Variants in RYR2 observed in about 807,000 individuals in gnomAD.
RYR2 encodes ryanodine receptor 2.
A neutral mutation model predicts 601.1 loss-of-function variants in RYR2; 227 were observed. The ratio of observed to expected loss-of-function variants is 0.38; its 90% CI spans 0.34 to 0.42. The LOEUF is 0.42. Among genes scored for constraint, RYR2 ranks in the 10% least tolerant of loss-of-function variants. The pLI is 1.00. For missense variants in RYR2, 4,646 were observed against 6,156.5 expected (o/e 0.75, Z 8.21); for synonymous variants, 2,223 against 2,175.1 (o/e 1.02, Z -0.61).
chr1:237,130,351 A>G (rs1672026908), intron 1 of RYR2, among the ~76,000 whole-genome samples: 1 of 152,196 alleles, frequency 6.6e-6, no homozygotes, highest in Non-Finnish European at 1.5e-5. Context: ...GAACTACATA[A>G]CTAGGAAAAG....
intron 3 of RYR2, among the ~76,000 whole-genome samples, chr1:237,331,900 C>T (rs978149253): frequency 1.3e-5 from 2 of 152,172 alleles, no homozygotes; most frequent in Non-Finnish European, 2.9e-5. Flanking sequence ...CTTCCTGTGA[C>T]TGATATCTGG....
At chr1:237,678,826 G>A (rs375663349) in intron 61 of RYR2, among the ~76,000 whole-genome samples, 8 of 152,324 alleles carry the variant, frequency 5.3e-5, no homozygotes, top group African/African-American at 1.9e-4. Flanking sequence ...AAGCTTTCTT[G>A]TTTAGGACAC....
intron 69 of RYR2, 146 bp downstream of exon 69, chr1:237,709,244 G>A: frequency 1.2e-6 from 1 of 834,270 alleles, no homozygotes; most frequent in East Asian, 2.7e-5. Context: ...GTTAATTTTT[G>A]GCTTAAAATT....
At chr1:237,711,542 A>G (rs1237786899) in intron 70 of RYR2, among the ~76,000 whole-genome samples, 1 of 152,234 alleles carries the variant, frequency 6.6e-6, no homozygotes, top group Non-Finnish European at 1.5e-5. Flanking sequence ...TGCAATGTGC[A>G]TATTCATATC....
intron 1 of RYR2, among the ~76,000 whole-genome samples, chr1:237,056,594 C>CAGCACTGCTCCTGTGAGGACTGG (rs1662123793): frequency 1.9e-5 from 1 of 53,082 alleles, no homozygotes; most frequent in Non-Finnish European, 3.7e-5. Flanking sequence ...GTGAGGACTG[C>CAGCACTGCTCCTGTGAGGACTGG]AGCACTGCAC....
intron 101 of RYR2, among the ~76,000 whole-genome samples, chr1:237,820,171 G>A (rs866008735): frequency 1.8e-4 from 22 of 122,998 alleles, no homozygotes; most frequent in East Asian, 1.6e-3. Context: ...TGGGTGACAA[G>A]AGCAAAACTC....
At chr1:237,447,283 G>A (rs920819205) in intron 14 of RYR2, among the ~76,000 whole-genome samples, 1 of 152,206 alleles carries the variant, frequency 6.6e-6, no homozygotes, top group East Asian at 1.9e-4. Context: ...TATACCATAA[G>A]TGACATTTTT....
intron 11 of RYR2, 137 bp downstream of exon 11, chr1:237,417,260 G>A (rs1202918599): frequency 1.7e-5 from 11 of 643,632 alleles, no homozygotes; most frequent in East Asian, 2.8e-5. Context: ...GTGGTGGACA[G>A]TTTCTCTTTT....
At chr1:237,758,130 T>C (rs1211542636) in intron 82 of RYR2, among the ~76,000 whole-genome samples, 1 of 152,160 alleles carries the variant, frequency 6.6e-6, no homozygotes, top group Admixed American at 6.5e-5. Context: ...CCAGAATAAG[T>C]GATTATATAG....
intron 94 of RYR2, 47 bp downstream of exon 94, chr1:237,792,370 T>TGTGCGCGCGC (rs753141995): frequency 2.1e-6 from 2 of 945,950 alleles, no homozygotes; most frequent in Middle Eastern, 3.0e-4. Context: ...TGTGTGTGTG[T>TGTGCGCGCGC]GTGTGTGTGT....
chr1:237,417,112 G>A lies in RYR2; in HGVS notation c.837G>A (p.Thr279=), dbSNP rs769682840. 43 of 1,612,938 alleles carry A rather than the reference G, an allele frequency of 2.7e-5. No homozygotes were observed. The highest frequency in any genetic ancestry group is 2.0e-4 in the Admixed American group (12 of 59,982). ...CACGTTCCCTTTGGAGACTAGAGAC[G>A]CTAAGAGTTGCGTAAGTAGAACTTC... is the stretch of plus-strand genomic sequence containing the variant. ...VHARSLWRLE[T]LRVAWSGSHI... The change falls in exon 11 of 105, where the codon ACG becomes ACA. Residue 279 remains threonine, a synonymous_variant. Coordinates refer to ENST00000366574, the MANE Select transcript of RYR2 (RefSeq NM_001035.3).
rs577620906 is a variant in RYR2 at position 237,787,900 on chromosome 1, A to C, written c.13329-88A>C. Reference sequence around the variant, plus strand: ...TTCAAAAGTAATATGATGGCCTAAAATATTTGTTCACTTGGGTAATTTTCC... The same window carrying C: ...TTCAAAAGTAATATGATGGCCTAAACTATTTGTTCACTTGGGTAATTTTCC... On this transcript the variant is annotated intron_variant, in intron 91 of 104. Transcript: ENST00000366574. 110 of 1,260,608 alleles carry C rather than the reference A, an allele frequency of 8.7e-5. 3 individuals are homozygous for C. In the East Asian group the frequency reaches 2.8e-3, roughly 32 times the overall value. 78.1% of individuals were successfully genotyped at this position (1,260,608 alleles called of 1,614,324 possible).
intron 8 of RYR2, among the ~76,000 whole-genome samples, chr1:237,382,829 T>C (rs2149818338): frequency 6.6e-6 from 1 of 152,014 alleles, no homozygotes; most frequent in East Asian, 2.0e-4. Flanking sequence ...CTGTGAGCCT[T>C]TCTTTCCTCT....
chr1:237,832,726 C>A lies in RYR2; in HGVS notation c.*79C>A, dbSNP rs886046282. ...CTCAATTTCTCTGCTCTCTTGGAAA[C>A]ATTTTGCTGATTTTGTGAATTGCCA... On this transcript the variant is annotated 3_prime_UTR_variant, in exon 105 of 105. Coordinates refer to ENST00000366574, the MANE Select transcript of RYR2 (RefSeq NM_001035.3). The A allele has an allele frequency of 1.3e-6, 1 of 795,828 alleles. No homozygotes were observed. Among genetic ancestry groups the A allele is most frequent in the Non-Finnish European group, 2.0e-6 (1 of 495,548 alleles). 49.3% of individuals were successfully genotyped at this position (795,828 alleles called of 1,614,324 possible).
At chr1:237,073,807 G>T (rs1443180759) in intron 1 of RYR2, among the ~76,000 whole-genome samples, 1 of 146,480 alleles carries the variant, frequency 6.8e-6, no homozygotes, top group African/African-American at 2.5e-5. Flanking sequence ...GGAGGCAGAG[G>T]CTGCAGTGAG....
chr1:237,667,998 G>T, intron 58 of RYR2, 40 bp downstream of exon 58: 1 of 1,485,406 alleles, frequency 6.7e-7, no homozygotes. Flanking sequence ...AATAATCTGA[G>T]CTCAATTCCA....
intron 104 of RYR2, among the ~76,000 whole-genome samples, chr1:237,832,344 G>C (rs1663896580): frequency 6.6e-6 from 1 of 151,956 alleles, no homozygotes; most frequent in African/African-American, 2.4e-5. Context: ...GAGCCAGTGT[G>C]CCCAGCCAAC....
chr1:237,825,935 T>C (rs922704724), intron 101 of RYR2, among the ~76,000 whole-genome samples: 1 of 152,080 alleles, frequency 6.6e-6, no homozygotes. Context: ...CACTGGTCAT[T>C]GAAGAAATGC....
chr1:237,681,428 C>T (rs1334924587), intron 62 of RYR2, among the ~76,000 whole-genome samples: 1 of 152,130 alleles, frequency 6.6e-6, no homozygotes, highest in Non-Finnish European at 1.5e-5. Context: ...AAGATTCCTG[C>T]ACTACGTAAC....
Sources: allele counts gnomAD v4.1 joint callset (sites outside exome capture counted in the v4.1 genomes callset), GRCh38; gene constraint gnomAD v4.1.1; transcripts MANE v1.5; gene names NCBI Gene and HGNC (gene_info 2026-07-23, HGNC 2026-07-21).